The following MYH14 variants were observed in gnomAD, a reference collection of about 807,000 sequenced individuals.
MYH14 encodes the protein myosin-14.
In MYH14, 123 loss-of-function variants were observed where a neutral mutation model predicts 255.5. The ratio of observed to expected loss-of-function variants is 0.48; its 90% CI spans 0.42 to 0.56. MYH14 has a LOEUF of 0.56. MYH14 is among the 20% of genes least tolerant of loss of function. The pLI, the probability that MYH14 is intolerant of heterozygous loss-of-function variation, is 0.00. For missense variants in MYH14, 2,423 were observed against 2,802.3 expected, an observed-to-expected ratio of 0.86 and a Z score of 3.06; for synonymous variants, 1,095 against 1,161.2, an observed-to-expected ratio of 0.94 and a Z score of 1.16.
At chr19:50,304,114 C>G (rs772965768) in intron 40 of MYH14, among the ~76,000 whole-genome samples, 5 of 152,126 alleles carry the variant, frequency 3.3e-5, no homozygotes, top group Non-Finnish European at 7.4e-5. Context: ...GAGAGAAAGA[C>G]CATTGTTATC....
At chr19:50,249,421 C>G (rs900808902) in intron 13 of MYH14, 5 of 624,600 alleles carry the variant, frequency 8.0e-6, no homozygotes, top group Non-Finnish European at 1.4e-5. Context: ...TCTCTGTCCC[C>G]TGTCTCTGGG....
intron 10 of MYH14, among the ~76,000 whole-genome samples, chr19:50,235,299 A>G (rs1219615864): frequency 6.6e-6 from 1 of 151,654 alleles, no homozygotes; most frequent in Non-Finnish European, 1.5e-5. Flanking sequence ...CAGAGGTTGC[A>G]GTGAGCCAAG....
rs758426078 is a variant in MYH14 at position 50,210,429 on chromosome 19, G to A, written c.64G>A (p.Glu22Lys). 3 of 1,558,196 alleles carry A rather than the reference G, an allele frequency of 1.9e-6. No homozygotes were observed. Among genetic ancestry groups the A allele is most frequent in the South Asian group, 1.2e-5 (1 of 84,884 alleles). ...GCCCCCCAGGCCGGGCCCAGTGCCC[G>A]AGGCGGCCCAGCCGTTCCTGTTCAC... ...KAPPRPGPVP[E>K]AAQPFLFTPR... Residue 22 changes from glutamate to lysine, a missense_variant, in exon 2 of 43, where the codon GAG becomes AAG. By Grantham distance (56) the Glu-to-Lys change is moderately conservative (BLOSUM62 1). Coordinates refer to ENST00000642316, the MANE Select transcript of MYH14 (RefSeq NM_001145809.2).
chr19:50,237,192 G>A (rs530534180), intron 10 of MYH14, among the ~76,000 whole-genome samples: 2 of 152,118 alleles, frequency 1.3e-5, no homozygotes, highest in Non-Finnish European at 2.9e-5. Context: ...AAACATGTAT[G>A]CAAACAGAGT....
chr19:50,210,790 G>T lies in MYH14; in HGVS notation c.405+20G>T. 6.5e-7 allele frequency: 1 copy of T among 1,549,290 alleles called. No homozygotes were observed. The highest frequency in any genetic ancestry group is 2.4e-5 in the East Asian group (1 of 41,078). Reference sequence around the variant, plus strand: ...ATCTACGTGAGTGGGCTCCTGCTGGGGGGCGCGTGCGGCGGAGTTGCTGCC... The same window carrying T: ...ATCTACGTGAGTGGGCTCCTGCTGGTGGGCGCGTGCGGCGGAGTTGCTGCC... On this transcript the variant is annotated intron_variant, in intron 2 of 42. Transcript: ENST00000642316.
intron 1 of MYH14, among the ~76,000 whole-genome samples, chr19:50,210,037 GCAGTGAGCTGAGATCACGC>G (rs549731496): frequency 0.013 from 1,629 of 129,086 alleles, 14 homozygotes; most frequent in Middle Eastern, 0.026. Flanking sequence ...TGCCGAGGTT[GCAGTGAGCTGAGATCACGC>G]CATTGCACTC....
intron 35 of MYH14, among the ~76,000 whole-genome samples, chr19:50,290,451 G>A (rs183810771): frequency 2.0e-5 from 3 of 152,348 alleles, no homozygotes; most frequent in Non-Finnish European, 2.9e-5. Context: ...AGCCATGTAG[G>A]CAACAGACTT....
intron 16 of MYH14, among the ~76,000 whole-genome samples, chr19:50,254,542 A>G (rs2034521505): frequency 6.6e-6 from 1 of 152,030 alleles, no homozygotes. Flanking sequence ...TGTGTGCCTG[A>G]CTCTCAGAGG....
rs1487570224 is a variant in MYH14 at position 50,210,653 on chromosome 19, C to T, written c.288C>T (p.Ile96=). Residue 96 remains isoleucine (I), a synonymous_variant, in exon 2 of 43, where the codon ATC becomes ATT. Coordinates refer to ENST00000642316, the MANE Select transcript of MYH14 (RefSeq NM_001145809.2). ...GRRLRLPRDQ[I]QRMNPPKFSK... Reference sequence around the variant, plus strand: ...GGCTGCGACTGCCGCGGGACCAGATCCAGCGCATGAACCCGCCCAAGTTCA... The same window carrying T: ...GGCTGCGACTGCCGCGGGACCAGATTCAGCGCATGAACCCGCCCAAGTTCA... 1.9e-6 allele frequency: 3 copies of T among 1,571,716 alleles called. No homozygotes were observed. The highest frequency in any genetic ancestry group is 2.3e-5 in the South Asian group (2 of 85,882).
chr19:50,289,302 G>C (rs1020368095), intron 34 of MYH14, 134 bp from the exon 35 acceptor site: 3 of 720,288 alleles, frequency 4.2e-6, no homozygotes, highest in African/African-American at 1.7e-5. Context: ...TTGAATGGAT[G>C]AATGAACAAA....
At chr19:50,243,358 G>T (rs376940934) in intron 10 of MYH14, among the ~76,000 whole-genome samples, 1 of 151,982 alleles carries the variant, frequency 6.6e-6, no homozygotes, top group African/African-American at 2.4e-5. Flanking sequence ...ATCGCTTGAA[G>T]TTGGGAGGTG....
Position 50,270,936 on chromosome 19 carries a change from C to T in MYH14, c.3034-473C>T, listed in dbSNP as rs570821118. Among the ~76,000 whole-genome samples, 304 of 152,234 alleles carry T rather than the reference C, an allele frequency of 2.0e-3. 3 individuals carry two copies. The Middle Eastern group carries it at 0.031, about 15-fold the overall frequency. ...GTCTCGATCTGCTGACCTCGTGATC[C>T]GCCTGCCTTGGCCTCCCAAAGTCCT... On this transcript the variant is annotated intron_variant, in intron 24 of 42. Transcript: ENST00000642316.
chr19:50,296,740 T>C (rs1248439444), intron 39 of MYH14, among the ~76,000 whole-genome samples: 1 of 152,200 alleles, frequency 6.6e-6, no homozygotes, highest in African/African-American at 2.4e-5. Context: ...AAAGATAGTA[T>C]AGTTATGTCA....
intron 24 of MYH14, among the ~76,000 whole-genome samples, chr19:50,269,951 G>T (rs1011672488): frequency 3.9e-5 from 6 of 152,168 alleles, no homozygotes; most frequent in African/African-American, 1.4e-4. Flanking sequence ...TCTTGGCTAG[G>T]TGCAGTGGCT....
At position 50,255,248 on chromosome 19, in the gene MYH14, C is replaced by T. The variant is rs750477331; in HGVS notation, c.1974C>T (p.Phe658=). Reference sequence around the variant, plus strand: ...ATGGGGGCTTCCAGCAGTTCTCTTTCCTTGGCTCCTTCCCACCGTCGCCCC... The same window carrying T: ...ATGGGGGCTTCCAGCAGTTCTCTTTTCTTGGCTCCTTCCCACCGTCGCCCC... ...DEHGGFQQFS[F]LGSFPPSPPG... Residue 658 remains phenylalanine (F), a synonymous_variant, in exon 17 of 43, where the codon TTC becomes TTT. Coordinates refer to ENST00000642316, the MANE Select transcript of MYH14 (RefSeq NM_001145809.2). The T allele has an allele frequency of 6.4e-7, 1 of 1,551,540 alleles. No homozygotes were observed. Among genetic ancestry groups the T allele is most frequent in the South Asian group, 1.2e-5 (1 of 84,050 alleles).
At chr19:50,256,854 A>T (rs2034609039) in intron 17 of MYH14, among the ~76,000 whole-genome samples, 1 of 152,166 alleles carries the variant, frequency 6.6e-6, no homozygotes, top group Non-Finnish European at 1.5e-5. Flanking sequence ...TCTATGCCTC[A>T]GTTTCCAAAT....
chr19:50,304,147 G>A (rs1468622366), intron 40 of MYH14, among the ~76,000 whole-genome samples: 1 of 152,194 alleles, frequency 6.6e-6, no homozygotes, highest in East Asian at 1.9e-4. Context: ...TAGAAAAACT[G>A]AGGCTGAGAT....
chr19:50,249,939 T>C, intron 14 of MYH14, 116 bp downstream of exon 14: 1 of 1,317,716 alleles, frequency 7.6e-7, no homozygotes, highest in Non-Finnish European at 1.1e-6. Context: ...CCATGGGTTC[T>C]GTGGGGAAGG....
intron 20 of MYH14, among the ~76,000 whole-genome samples, 173 bp downstream of exon 20, chr19:50,260,888 T>TGC (rs2034822572): frequency 2.7e-5 from 4 of 147,424 alleles, no homozygotes; most frequent in African/African-American, 7.4e-5. Context: ...TGTGTGTGCA[T>TGC]GTGTGTGTGT....
Sources: allele counts gnomAD v4.1 joint callset (sites outside exome capture counted in the v4.1 genomes callset), GRCh38; gene constraint gnomAD v4.1.1; transcripts MANE v1.5; gene names NCBI Gene and HGNC (gene_info 2026-07-23, HGNC 2026-07-21).